Variants in FYN observed in about 807,000 individuals in gnomAD.
The protein encoded by FYN is tyrosine-protein kinase Fyn.
In FYN, 10 loss-of-function variants were observed where a neutral mutation model predicts 70.2. The ratio of observed to expected loss-of-function variants is 0.14; its 90% CI spans 0.09 to 0.24. The LOEUF (loss-of-function observed/expected upper bound fraction) is 0.24, where lower values mean the gene tolerates loss of function less well. Ranked by LOEUF, FYN falls within the 10% of genes least tolerant of loss-of-function variation. FYN has a pLI of 1.00. For synonymous variants in FYN, 236 were observed against 248.6 expected, an observed-to-expected ratio of 0.95 and a Z score of 0.48; for missense variants, 319 against 673.1, an observed-to-expected ratio of 0.47 and a Z score of 5.82.
intron 3 of FYN, among the ~76,000 whole-genome samples, chr6:111,744,019 T>C (rs1000343038): frequency 1.6e-4 from 24 of 152,220 alleles, no homozygotes; most frequent in Non-Finnish European, 3.2e-4. Flanking sequence ...GGACATGAGA[T>C]TGGACCGCAC....
chr6:111,759,786 G>A (rs1465675511), intron 3 of FYN: 2 of 152,162 alleles, frequency 1.3e-5, no homozygotes, highest in African/African-American at 2.4e-5. Context: ...TATCTGCTAC[G>A]ATTATTTAAT....
intron 3 of FYN, among the ~76,000 whole-genome samples, chr6:111,777,937 T>A (rs1771015878): frequency 6.6e-6 from 1 of 152,194 alleles, no homozygotes; most frequent in African/African-American, 2.4e-5. Context: ...ACTGCCACCC[T>A]CCCTACTTTT....
chr6:111,754,734 A>G (rs954584255), intron 3 of FYN: 1 of 152,168 alleles, frequency 6.6e-6, no homozygotes, highest in Admixed American at 6.5e-5. Context: ...AATATACAGT[A>G]GTTTCCTGAG....
intron 1 of FYN, among the ~76,000 whole-genome samples, chr6:111,860,637 C>T (rs1773938047): frequency 6.6e-6 from 1 of 152,156 alleles, no homozygotes; most frequent in Non-Finnish European, 1.5e-5. Context: ...TTTTAAGTGC[C>T]AATCCCTCTT....
At chr6:111,866,682 G>C (rs1158434383) in intron 1 of FYN, among the ~76,000 whole-genome samples, 4 of 152,240 alleles carry the variant, frequency 2.6e-5, no homozygotes, top group South Asian at 2.1e-4. Flanking sequence ...CCTGGGCTGA[G>C]AGGTGTGAAA....
intron 1 of FYN, among the ~76,000 whole-genome samples, chr6:111,852,395 G>A (rs1379726115): frequency 1.3e-5 from 2 of 152,124 alleles, no homozygotes; most frequent in African/African-American, 4.8e-5. Flanking sequence ...AAGCCAGACT[G>A]GAATGGCTCT....
intron 4 of FYN, among the ~76,000 whole-genome samples, chr6:111,718,967 A>G (rs541276209): frequency 7.2e-4 from 109 of 152,316 alleles, no homozygotes; most frequent in African/African-American, 2.6e-3. Flanking sequence ...CCTCCTCCCT[A>G]GGTGAAAAGG....
Position 111,726,256 on chromosome 6 carries a change from T to G in FYN, c.-11-6194A>C, listed in dbSNP as rs553126616. 2.6e-5 allele frequency among the ~76,000 whole-genome samples: 4 copies of G among 152,330 alleles called. No individual in the cohort carries two copies. In the South Asian group the frequency reaches 8.3e-4, roughly 32 times the overall value. ...TGGATGTTGTTTTAAGCTACTAAGT[T>G]TGTAGTACTTTGTTAGGCAGCAGCA... On this transcript the variant is annotated intron_variant, in intron 3 of 13. Coordinates refer to ENST00000354650, the MANE Select transcript of FYN (RefSeq NM_002037.5).
At chr6:111,807,301 T>C (rs552652208) in intron 2 of FYN, among the ~76,000 whole-genome samples, 1 of 152,298 alleles carries the variant, frequency 6.6e-6, no homozygotes, top group East Asian at 1.9e-4. Context: ...TGGGCTTTAC[T>C]CCTGGATAAT....
intron 3 of FYN, among the ~76,000 whole-genome samples, chr6:111,768,020 G>A (rs543479638): frequency 6.6e-6 from 1 of 152,194 alleles, no homozygotes; most frequent in Non-Finnish European, 1.5e-5. Flanking sequence ...GGAATCACGT[G>A]CTGTGGCTTT....
chr6:111,821,488 A>G (rs1019623380), intron 2 of FYN, among the ~76,000 whole-genome samples: 5 of 152,218 alleles, frequency 3.3e-5, no homozygotes, highest in African/African-American at 1.2e-4. Context: ...TTAATTCAAG[A>G]TGGATTAAAG....
chr6:111,662,096 G>C (rs1797764133), intron 13 of FYN, 149 bp from the exon 14 acceptor site: 4 of 615,498 alleles, frequency 6.5e-6, no homozygotes, highest in South Asian at 2.1e-5. Context: ...ACCCTGCCAT[G>C]CTACTCAGGA....
chr6:111,744,589 G>T (rs191159730), intron 3 of FYN, among the ~76,000 whole-genome samples: 1 of 152,122 alleles, frequency 6.6e-6, no homozygotes, highest in African/African-American at 2.4e-5. Context: ...CAGTCTGGTG[G>T]GAACACATGG....
intron 7 of FYN, among the ~76,000 whole-genome samples, chr6:111,703,776 C>T (rs946466605): frequency 1.3e-5 from 2 of 152,132 alleles, no homozygotes; most frequent in Non-Finnish European, 2.9e-5. Context: ...CTGCATCCAG[C>T]CCGTTTCAGG....
In FYN at chr6:111,699,044, T is replaced by C. The variant is rs143901277; in HGVS notation, c.862+1060A>G. Among the ~76,000 whole-genome samples, 409 of 152,258 alleles carry C rather than the reference T, an allele frequency of 2.7e-3. 4 individuals carry two copies. The highest frequency in any genetic ancestry group is 0.02 in the East Asian group (104 of 5,182). Reference sequence around the variant, plus strand: ...GTTGCAGTGAGCCAATATCGCGCCATTGCACTCCAGCCTAGTGATAGAGCA... The same window carrying C: ...GTTGCAGTGAGCCAATATCGCGCCACTGCACTCCAGCCTAGTGATAGAGCA... On this transcript the variant is annotated intron_variant, in intron 9 of 13. Transcript: ENST00000354650.
intron 12 of FYN, among the ~76,000 whole-genome samples, chr6:111,679,114 G>A (rs1415080459): frequency 6.6e-6 from 1 of 152,074 alleles, no homozygotes; most frequent in African/African-American, 2.4e-5. Flanking sequence ...CCTCTCCATT[G>A]CCCTTCTTTG....
intron 2 of FYN, among the ~76,000 whole-genome samples, chr6:111,817,755 T>G (rs1020379119): frequency 2.6e-5 from 4 of 152,372 alleles, no homozygotes; most frequent in Admixed American, 1.3e-4. Flanking sequence ...AGTTTAAAAG[T>G]AGACAGCTTG....
At chr6:111,870,271 G>A (rs1457941222) in intron 1 of FYN, among the ~76,000 whole-genome samples, 1 of 152,172 alleles carries the variant, frequency 6.6e-6, no homozygotes, top group African/African-American at 2.4e-5. Context: ...AACTGAAACA[G>A]GTTACGATGA....
At chr6:111,779,824 G>A (rs1771103555) in intron 3 of FYN, among the ~76,000 whole-genome samples, 1 of 152,198 alleles carries the variant, frequency 6.6e-6, no homozygotes, top group Non-Finnish European at 1.5e-5. Context: ...AGGCTGCTCT[G>A]TTCCTAAGAA....
Sources: allele counts gnomAD v4.1 joint callset (sites outside exome capture counted in the v4.1 genomes callset), GRCh38; gene constraint gnomAD v4.1.1; transcripts MANE v1.5; gene names NCBI Gene and HGNC (gene_info 2026-07-23, HGNC 2026-07-21).